RUNX3: variants seen among roughly 807,000 people sequenced by gnomAD.
RUNX3 encodes the protein runt-related transcription factor 3.
In RUNX3, 10 loss-of-function variants were observed where a neutral mutation model predicts 27.7. That is an observed-to-expected ratio of 0.36 (90% CI 0.22 to 0.61). The LOEUF (loss-of-function observed/expected upper bound fraction) is 0.61, where lower values mean the gene tolerates loss of function less well. RUNX3 is among the 20% of genes least tolerant of loss of function. The pLI is 0.72. For synonymous variants in RUNX3, 270 were observed against 269.2 expected, an observed-to-expected ratio of 1.00 and a Z score of -0.03; for missense variants, 469 against 629.5, an observed-to-expected ratio of 0.75 and a Z score of 2.73.
At position 24,902,153 on chromosome 1, in the gene RUNX3, C is replaced by T. The variant is rs754344195; in HGVS notation, c.1217G>A (p.Arg406His). The change falls in exon 5 of 5, where the codon CGC becomes CAC. Residue 406 changes from arginine to histidine, a missense_variant. Arg to His is a conservative substitution (Grantham distance 29). This residue lies in a region of RUNX3 where 279 missense variants were observed against 343.0 expected (regional missense o/e 0.81). Transcript: ENST00000308873. The surrounding 1 kb of genome is among the most constrained non-coding windows in gnomAD (Gnocchi z 9.2). Reference sequence around the variant, plus strand: ...GGGCCGCCACACGGCCTCATCCATGCGGCCTGGCGTGCTCAGGGCCGTGGG... The same window carrying T: ...GGGCCGCCACACGGCCTCATCCATGTGGCCTGGCGTGCTCAGGGCCGTGGG... ...NSPTALSTPG[R>H]MDEAVWRPY 1.3e-5 allele frequency: 20 copies of T among 1,566,102 alleles called. No individual in the cohort carries two copies. Among genetic ancestry groups the T allele is most frequent in the South Asian group, 3.5e-5 (3 of 85,684 alleles).
chr1:24,925,325 G>A (rs145682617), intron 2 of RUNX3, among the ~76,000 whole-genome samples: 139 of 68,460 alleles, frequency 2.0e-3, no homozygotes, highest in South Asian at 4.5e-3. Flanking sequence ...CCCCACCCCC[G>A]CCCAAACCAC....
intron 2 of RUNX3, among the ~76,000 whole-genome samples, chr1:24,948,319 C>T (rs547401114): frequency 6.6e-4 from 100 of 152,306 alleles, no homozygotes; most frequent in African/African-American, 2.0e-3. Flanking sequence ...GCAGCAGGTG[C>T]GGCCTGTGAA....
intron 3 of RUNX3, among the ~76,000 whole-genome samples, chr1:24,910,857 G>A (rs1234802107): frequency 6.6e-6 from 1 of 152,216 alleles, no homozygotes; most frequent in Non-Finnish European, 1.5e-5. Context: ...GGCTGGGGGC[G>A]AGTTTAGCTG....
rs1642100355 is a variant in RUNX3, at chr1:24,961,087, C to T, written c.58+3427G>A. ...GAACCAAATGCCTCTCCACCCTTTT[C>T]CCACACCCCTTCTCTCCACAGTGAA... On this transcript the variant is annotated intron_variant, in intron 2 of 6. Coordinates refer to the RUNX3 transcript ENST00000338888. Among the ~76,000 whole-genome samples the T allele has an allele frequency of 2.6e-5, 4 of 152,278 alleles. No individual in the cohort carries two copies. The South Asian group carries it at 8.3e-4, about 32-fold the overall frequency.
intron 2 of RUNX3, among the ~76,000 whole-genome samples, chr1:24,948,435 C>T (rs904865602): frequency 6.6e-6 from 1 of 152,152 alleles, no homozygotes; most frequent in Non-Finnish European, 1.5e-5. Context: ...ACTTTGGTTG[C>T]TGAGCTGGGA....
At position 24,904,312 on chromosome 1, in the gene RUNX3, G is replaced by A. The variant is rs1640620660; in HGVS notation, c.704-1646C>T. On this transcript the variant is annotated intron_variant, in intron 4 of 4. Transcript: ENST00000308873. This position sits in a 1 kb window ranked among gnomAD's most constrained non-coding sequence, Gnocchi z 5.7. Reference sequence around the variant, plus strand: ...TCTCGGGGCTTTGGGGTCTTCCCAAGTCAGCTGGGGTATGTTTCCCTCAGC... The same window carrying A: ...TCTCGGGGCTTTGGGGTCTTCCCAAATCAGCTGGGGTATGTTTCCCTCAGC... Among the ~76,000 whole-genome samples the A allele has an allele frequency of 6.6e-6, 1 of 152,248 alleles. No individual in the cohort carries two copies. Among genetic ancestry groups the A allele is most frequent in the Non-Finnish European group, 1.5e-5 (1 of 68,044 alleles).
intron 3 of RUNX3, among the ~76,000 whole-genome samples, chr1:24,911,732 C>T (rs1640800548): frequency 6.6e-6 from 1 of 152,252 alleles, no homozygotes; most frequent in African/African-American, 2.4e-5. Context: ...GCCCAGGGCT[C>T]TTTTCCTGAC....
chr1:24,947,262 GGCAAAGTCCCA>G (rs1641631792), intron 2 of RUNX3, among the ~76,000 whole-genome samples: 1 of 152,134 alleles, frequency 6.6e-6, no homozygotes, highest in Non-Finnish European at 1.5e-5. Flanking sequence ...TACCCAATGG[GGCAAAGTCCCA>G]GCACTACCCC....
At chr1:24,955,228 GGAT>G (rs1441397550) in intron 2 of RUNX3, among the ~76,000 whole-genome samples, 1 of 152,158 alleles carries the variant, frequency 6.6e-6, no homozygotes, top group Non-Finnish European at 1.5e-5. Context: ...GCATAGAGGA[GGAT>G]ATGAATCACC....
chr1:24,938,788 C>T (rs12092556), intron 2 of RUNX3, among the ~76,000 whole-genome samples: 1,951 of 152,136 alleles, frequency 0.013, 44 homozygotes, highest in African/African-American at 0.044. Context: ...CTGTGTCCTC[C>T]GGAGGACACA....
At chr1:24,936,857 C>T (rs1008756157) in intron 2 of RUNX3, among the ~76,000 whole-genome samples, 17 of 152,306 alleles carry the variant, frequency 1.1e-4, no homozygotes, top group Admixed American at 4.6e-4. Context: ...ATGAAGATTG[C>T]GGCTCTATTT....
rs560884286 is a variant in RUNX3, at chr1:24,937,219, C to A, written c.59-7367G>T. Among the ~76,000 whole-genome samples the A allele has an allele frequency of 7.9e-5, 12 of 152,330 alleles. No homozygotes were observed. In the South Asian group the frequency reaches 2.5e-3, roughly 32 times the overall value. ...CCAGAGGCAGGGCCGGCTTTCTGGC[C>A]TGTGACCCATGCAGTCGCACAGGGC... On this transcript the variant is annotated intron_variant, in intron 2 of 6. Transcript: ENST00000338888.
At chr1:24,960,199 A>G (rs1051872389) in intron 2 of RUNX3, among the ~76,000 whole-genome samples, 1 of 152,190 alleles carries the variant, frequency 6.6e-6, no homozygotes, top group Non-Finnish European at 1.5e-5. Flanking sequence ...ATCCTGACCC[A>G]GTTTCCCCCG....
At chr1:24,929,449 G>T in intron 1 of RUNX3, 138 bp downstream of exon 1, 1 of 882,704 alleles carries the variant, frequency 1.1e-6, no homozygotes, top group Non-Finnish European at 1.8e-6. Context: ...CGCGCAGCCA[G>T]ACTGAACCGG....
At chr1:24,957,330 ATTCG>A (rs889543137) in intron 2 of RUNX3, among the ~76,000 whole-genome samples, 2 of 149,554 alleles carry the variant, frequency 1.3e-5, no homozygotes, top group South Asian at 2.2e-4. Flanking sequence ...CAGCCCATTC[ATTCG>A]TTCATCCATC....
intron 2 of RUNX3, among the ~76,000 whole-genome samples, chr1:24,947,903 A>C (rs961970855): frequency 6.6e-6 from 1 of 152,120 alleles, no homozygotes; most frequent in East Asian, 1.9e-4. Context: ...GTGTGCTTCC[A>C]CCAGGTGAGG....
At chr1:24,917,440 C>G (rs1640911279) in intron 3 of RUNX3, among the ~76,000 whole-genome samples, 1 of 152,164 alleles carries the variant, frequency 6.6e-6, no homozygotes, top group Non-Finnish European at 1.5e-5. Context: ...ACGCTGCGGA[C>G]CCAGTGACTC....
chr1:24,921,621 G>A (rs1440994884), intron 2 of RUNX3, among the ~76,000 whole-genome samples: 3 of 152,198 alleles, frequency 2.0e-5, no homozygotes, highest in East Asian at 1.9e-4. Context: ...CTCCCTGCCC[G>A]ACCCCTCCTA....
intron 3 of RUNX3, among the ~76,000 whole-genome samples, chr1:24,911,059 G>A (rs558503983): frequency 1.4e-4 from 22 of 152,340 alleles, no homozygotes; most frequent in Admixed American, 1.2e-3. Context: ...GCCCTAACAG[G>A]CCTTGGAGGA....
Sources: allele counts gnomAD v4.1 joint callset (sites outside exome capture counted in the v4.1 genomes callset), GRCh38; gene constraint gnomAD v4.1.1; regional missense constraint gnomAD v4.1.1; non-coding constraint Gnocchi (gnomAD v3.1); transcripts MANE v1.5; gene names NCBI Gene and HGNC (gene_info 2026-07-23, HGNC 2026-07-21).